CLN8: variants seen among roughly 807,000 people sequenced by gnomAD.
CLN8 encodes protein CLN8.
In CLN8, 14 loss-of-function variants were observed where a neutral mutation model predicts 15.7. That is an observed-to-expected ratio of 0.89 (90% confidence interval 0.59 to 1.39). The LOEUF (loss-of-function observed/expected upper bound fraction) is 1.39, where lower values mean the gene tolerates loss of function less well. Ranked by LOEUF, CLN8 falls within the 40% of genes most tolerant of loss-of-function variation. CLN8 has a pLI of 0.00. For synonymous variants in CLN8, 188 were observed against 151.0 expected (o/e 1.25, Z -1.80); for missense variants, 415 against 364.0 (o/e 1.14, Z -1.14).
chr8:1,773,429 A>G (rs1398499917), intron 2 of CLN8, among the ~76,000 whole-genome samples: 1 of 152,114 alleles, frequency 6.6e-6, no homozygotes, highest in Non-Finnish European at 1.5e-5. Flanking sequence ...GGTAGAACTT[A>G]CCAAGGAAGA....
intron 1 of CLN8, among the ~76,000 whole-genome samples, chr8:1,769,376 C>A (rs926410310): frequency 2.6e-5 from 4 of 152,190 alleles, no homozygotes; most frequent in Non-Finnish European, 5.9e-5. Flanking sequence ...AATGGCTCCT[C>A]CTATGCTTCT....
chr8:1,761,179 A>T (rs1184559374), upstream of CLN8, among the ~76,000 whole-genome samples: 5 of 150,644 alleles, frequency 3.3e-5, no homozygotes, highest in African/African-American at 9.8e-5. Flanking sequence ...GTAACTGCCA[A>T]TCAGGTTCAT....
chr8:1,753,582 A>AAAG (rs1554444005), upstream of CLN8, among the ~76,000 whole-genome samples: 927 of 142,074 alleles, frequency 6.5e-3, 14 homozygotes, highest in African/African-American at 0.021. Flanking sequence ...AAAAAAAAAA[A>AAAG]AAAGAAAGAA....
At chr8:1,763,045 T>C (rs550111772), upstream of CLN8, 1 of 152,176 alleles carries the variant, frequency 6.6e-6, no homozygotes, top group Non-Finnish European at 1.5e-5. Context: ...CGGAAACTCC[T>C]ACAGACAAAA....
upstream of CLN8, chr8:1,755,743 C>T (rs1354820793): frequency 3.9e-5 from 6 of 152,234 alleles, no homozygotes; most frequent in African/African-American, 1.2e-4. Context: ...CTGTTACACC[C>T]TCTCTTCATG....
chr8:1,768,765 AG>A (rs967769185), intron 1 of CLN8, among the ~76,000 whole-genome samples: 3 of 152,298 alleles, frequency 2.0e-5, no homozygotes, highest in East Asian at 1.9e-4. Context: ...TGAAGTGCAT[AG>A]GGGTTCAACG....
chr8:1,782,508 T>C lies in CLN8; in HGVS notation c.*1941T>C, dbSNP rs1801733761. 6.6e-6 allele frequency: 1 copy of C among 152,180 alleles called. No individual in the cohort carries two copies. Among genetic ancestry groups the C allele is most frequent in the Non-Finnish European group, 1.5e-5 (1 of 68,024 alleles). The allele number at this position is 152,180 out of a possible 1,614,324, so 9.4% of individuals were successfully genotyped here. A position where few individuals can be genotyped will look rare whatever the true frequency, so the allele number is the denominator to read the frequency against. ...TTGACCAAGGTGTATAGTAACCTATTTATCACATTTTACGAAGCAATTTTA... is the reference window on the plus strand; with the variant it reads ...TTGACCAAGGTGTATAGTAACCTATCTATCACATTTTACGAAGCAATTTTA... On this transcript the variant is annotated 3_prime_UTR_variant, in exon 3 of 3. Coordinates refer to ENST00000331222, the MANE Select transcript of CLN8 (RefSeq NM_018941.4).
At chr8:1,763,718 C>T (rs1406810809), upstream of CLN8, 1 of 122,842 alleles carries the variant, frequency 8.1e-6, no homozygotes, top group African/African-American at 3.0e-5. Context: ...CGTAGCGACG[C>T]CCCCAGGGGG....
At chr8:1,779,224 G>A (rs1801627602) in intron 2 of CLN8, among the ~76,000 whole-genome samples, 1 of 152,200 alleles carries the variant, frequency 6.6e-6, no homozygotes, top group Admixed American at 6.5e-5. Context: ...AAAAACACCA[G>A]AAGAACGTGT....
intron 1 of CLN8, among the ~76,000 whole-genome samples, chr8:1,766,109 C>A (rs976543597): frequency 2.6e-5 from 4 of 152,198 alleles, no homozygotes; most frequent in African/African-American, 9.7e-5. Context: ...AGCTAACACT[C>A]TTACTGATGT....
intron 2 of CLN8, among the ~76,000 whole-genome samples, chr8:1,779,786 T>G (rs771564171): frequency 1.1e-4 from 17 of 152,172 alleles, no homozygotes; most frequent in Non-Finnish European, 4.4e-5. Context: ...TCTCTTTCTC[T>G]TCTTATGACA....
rs1801765288 is a variant in CLN8 at position 1,783,814 on chromosome 8, GC to G, written c.*3248del. ...TCCACTTCTGTCGAGGAGCTTCGGG[GC>G]TCAGAGAGGTGATGACGTGCCCAAG... is the stretch of plus-strand genomic sequence containing the variant. On this transcript the variant is annotated 3_prime_UTR_variant, in exon 3 of 3. Transcript: ENST00000331222. 6.6e-6 allele frequency: 1 copy of G among 152,226 alleles called. No homozygotes were observed. Among genetic ancestry groups the G allele is most frequent in the South Asian group, 2.1e-4 (1 of 4,834 alleles). 9.4% of individuals were successfully genotyped at this position (152,226 alleles called of 1,614,324 possible). A position where few individuals can be genotyped will look rare whatever the true frequency, so the allele number is the denominator to read the frequency against.
chr8:1,775,604 C>G (rs922397718), intron 2 of CLN8, among the ~76,000 whole-genome samples: 6 of 152,212 alleles, frequency 3.9e-5, no homozygotes, highest in Non-Finnish European at 5.9e-5. Flanking sequence ...AAGATGACTA[C>G]TTTCAGTAAG....
At position 1,771,020 on chromosome 8, in the gene CLN8, G is replaced by A. The variant is rs557682976; in HGVS notation, c.-35G>A. The A allele has an allele frequency of 2.3e-5, 37 of 1,609,814 alleles. No homozygotes were observed. The highest frequency in any genetic ancestry group is 3.1e-5 in the Non-Finnish European group (37 of 1,176,982). ...CACAGTGTAGGGCCCGGCCCGTGTT[G>A]GCCCCAGGACTCCTTTGGAATATAG... On this transcript the variant is annotated 5_prime_UTR_variant, in exon 2 of 3. Coordinates refer to ENST00000331222, the MANE Select transcript of CLN8 (RefSeq NM_018941.4).
In CLN8 at chr8:1,771,228, C is replaced by T. The variant is rs796069556; in HGVS notation, c.174C>T (p.Ala58=). The change falls in exon 2 of 3, where the codon GCC becomes GCT. Residue 58 remains alanine (A), a synonymous_variant. Transcript: ENST00000331222. ...ATGCCACTTACCGTTCTTTGGTGGC[C>T]AGAGAGAAGGTCTTCTGGGACCTGG... is the stretch of plus-strand genomic sequence containing the variant. ...SLNATYRSLV[A]REKVFWDLAA... The T allele has an allele frequency of 6.2e-7, 1 of 1,613,774 alleles. No individual in the cohort carries two copies. The highest frequency in any genetic ancestry group is 8.5e-7 in the Non-Finnish European group (1 of 1,179,804).
chr8:1,780,603 T>A lies in CLN8; in HGVS notation c.*36T>A, dbSNP rs776435982. 1.9e-6 allele frequency: 3 copies of A among 1,601,708 alleles called. No individual in the cohort carries two copies. The highest frequency in any genetic ancestry group is 2.2e-5 in the South Asian group (2 of 90,738). ...CGGGGCTCCGGGGCGGCAGCAGAGC[T>A]GGCACACCGATTCTGGGAAGCCCCG... On this transcript the variant is annotated 3_prime_UTR_variant, in exon 3 of 3. Coordinates refer to ENST00000331222, the MANE Select transcript of CLN8 (RefSeq NM_018941.4).
chr8:1,784,890 G>T lies in CLN8; in HGVS notation c.*4323G>T, dbSNP rs956455736. On this transcript the variant is annotated 3_prime_UTR_variant, in exon 3 of 3. Transcript: ENST00000331222. ...GGAGGTGATGTCCTCAGTAGAGAAC[G>T]GTGGCCACTGGAAACGTGTGGCCAG... is the stretch of plus-strand genomic sequence containing the variant. 6.6e-6 allele frequency: 1 copy of T among 152,404 alleles called. No homozygotes were observed. Among genetic ancestry groups the T allele is most frequent in the Non-Finnish European group, 1.5e-5 (1 of 68,186 alleles). The allele number at this position is 152,404 out of a possible 1,614,324, so 9.4% of individuals were successfully genotyped here. A position where few individuals can be genotyped will look rare whatever the true frequency, so the allele number is the denominator to read the frequency against.
chr8:1,776,956 A>G (rs1170339388), intron 2 of CLN8, among the ~76,000 whole-genome samples: 3 of 152,164 alleles, frequency 2.0e-5, no homozygotes, highest in Non-Finnish European at 2.9e-5. Flanking sequence ...CGTTACCCGG[A>G]CGCAAAAGAG....
At chr8:1,776,519 TACAC>T (rs1335647797) in intron 2 of CLN8, among the ~76,000 whole-genome samples, 2 of 151,656 alleles carry the variant, frequency 1.3e-5, no homozygotes, top group East Asian at 1.9e-4. Context: ...CTTGCTCCAG[TACAC>T]ACACACACGT....
Sources: gnomAD v4.1 joint callset for allele counts (sites outside exome capture counted in the v4.1 genomes callset) on GRCh38, gnomAD v4.1.1 for gene constraint, MANE v1.5 for transcripts, NCBI Gene and HGNC (gene_info 2026-07-23, HGNC 2026-07-21) for gene names.